The following LRIF1 variants were observed in gnomAD, a reference collection of about 807,000 sequenced individuals.
LRIF1 encodes ligand-dependent nuclear receptor-interacting factor 1.
A neutral mutation model predicts 52.7 loss-of-function variants in LRIF1; 32 were observed. The observed-to-expected ratio is 0.61, with a 90% CI of 0.46 to 0.82. The LOEUF is 0.82. LRIF1 is among the 40% of genes least tolerant of loss of function. The pLI is 0.00. For synonymous variants in LRIF1, 323 were observed against 317.4 expected, an observed-to-expected ratio of 1.02 and a Z score of -0.19; for missense variants, 887 against 892.0, an observed-to-expected ratio of 0.99 and a Z score of 0.07.
At chr1:110,890,612 C>A in the LRIF1 span, among the ~76,000 whole-genome samples, 3 of 136,526 alleles carry the variant, frequency 2.2e-5, no homozygotes, top group Non-Finnish European at 3.3e-5. Flanking sequence ...GAAAGGAAAG[C>A]GAAAAGGAAA....
chr1:110,953,794 A>T (rs1658581430), intron 1 of LRIF1, among the ~76,000 whole-genome samples: 1 of 151,916 alleles, frequency 6.6e-6, no homozygotes, highest in Non-Finnish European at 1.5e-5. Context: ...ACCCAACTCA[A>T]CTCTTCACAT....
chr1:110,886,864 TA>T, the LRIF1 span, among the ~76,000 whole-genome samples: 18,347 of 77,852 alleles, frequency 0.24, 1,435 homozygotes, highest in Admixed American at 0.26. Flanking sequence ...TATATATATA[TA>T]TATATTTTTT....
intron 1 of LRIF1, among the ~76,000 whole-genome samples, chr1:110,953,795 C>G (rs919810208): frequency 3.3e-5 from 5 of 152,196 alleles, no homozygotes; most frequent in Non-Finnish European, 7.4e-5. Flanking sequence ...CCCAACTCAA[C>G]TCTTCACATA....
At chr1:110,922,966 A>G in the LRIF1 span, among the ~76,000 whole-genome samples, 1 of 152,158 alleles carries the variant, frequency 6.6e-6, no homozygotes, top group East Asian at 1.9e-4. Flanking sequence ...TCTTGTGATT[A>G]CATTGGACCC....
At chr1:110,952,855 T>C (rs1658543035) in intron 1 of LRIF1, 40 bp from the exon 2 acceptor site, 2 of 1,045,210 alleles carry the variant, frequency 1.9e-6, no homozygotes, top group South Asian at 3.1e-5. Flanking sequence ...ACATACTACA[T>C]GGTATATACA....
chr1:110,960,103 G>GA (rs1658886910), intron 1 of LRIF1, among the ~76,000 whole-genome samples: 1 of 151,958 alleles, frequency 6.6e-6, no homozygotes, highest in Non-Finnish European at 1.5e-5. Context: ...AAACAGTCAA[G>GA]AAAGTTATGA....
chr1:110,963,088 G>A (rs576428355), intron 1 of LRIF1, among the ~76,000 whole-genome samples: 13 of 152,312 alleles, frequency 8.5e-5, no homozygotes, highest in African/African-American at 2.9e-4. Flanking sequence ...TTTACACGAG[G>A]ATTTCTCCAG....
the LRIF1 span, chr1:110,898,030 T>A: frequency 2.0e-6 from 1 of 512,082 alleles, no homozygotes; most frequent in Non-Finnish European, 3.5e-6. Context: ...CCCAGCCAAG[T>A]AGCAAATAAT....
chr1:110,918,155 T>C, the LRIF1 span, among the ~76,000 whole-genome samples: 23 of 152,080 alleles, frequency 1.5e-4, no homozygotes, highest in Non-Finnish European at 2.8e-4. Flanking sequence ...TACACACACA[T>C]ACAAAACCAA....
the LRIF1 span, among the ~76,000 whole-genome samples, chr1:110,876,716 A>T: frequency 6.6e-6 from 1 of 152,138 alleles, no homozygotes; most frequent in African/African-American, 2.4e-5. Context: ...TAGAAGACAA[A>T]TTGTAATGAT....
chr1:110,932,595 T>C, the LRIF1 span, among the ~76,000 whole-genome samples: 3 of 152,230 alleles, frequency 2.0e-5, no homozygotes, highest in Non-Finnish European at 4.4e-5. Flanking sequence ...TTTTACGATA[T>C]TGATTCTTCC....
At chr1:110,942,556 G>A (rs146089643), downstream of LRIF1, among the ~76,000 whole-genome samples, 638 of 152,174 alleles carry the variant, frequency 4.2e-3, 3 homozygotes, top group African/African-American at 0.015. Context: ...ATCTAGATGA[G>A]AGATATAATG....
the LRIF1 span, among the ~76,000 whole-genome samples, chr1:110,879,241 C>A: frequency 2.6e-5 from 4 of 152,072 alleles, no homozygotes; most frequent in African/African-American, 4.8e-5. Flanking sequence ...ACTGAGCCAT[C>A]CTGGAAATAG....
chr1:110,930,574 T>A, the LRIF1 span, among the ~76,000 whole-genome samples: 12 of 152,290 alleles, frequency 7.9e-5, no homozygotes, highest in African/African-American at 2.9e-4. Context: ...ATTATACTAT[T>A]GGATTAAGGT....
chr1:110,943,205 T>C (rs1178530786), downstream of LRIF1, among the ~76,000 whole-genome samples: 1 of 152,200 alleles, frequency 6.6e-6, no homozygotes, highest in Admixed American at 6.5e-5. Context: ...TGATAGTTAT[T>C]GGAGACCTTG....
the LRIF1 span, among the ~76,000 whole-genome samples, chr1:110,886,803 C>G: frequency 6.7e-6 from 1 of 149,448 alleles, no homozygotes; most frequent in Non-Finnish European, 1.5e-5. Context: ...CAAGATCACG[C>G]CACTGCACTC....
At chr1:110,902,531 CAGAA>C in the LRIF1 span, among the ~76,000 whole-genome samples, 1 of 93,246 alleles carries the variant, frequency 1.1e-5, no homozygotes, top group African/African-American at 3.9e-5. Flanking sequence ...GAAATACAGA[CAGAA>C]AGGAAGAAAG....
chr1:110,932,009 T>C, the LRIF1 span, among the ~76,000 whole-genome samples: 1 of 152,254 alleles, frequency 6.6e-6, no homozygotes, highest in African/African-American at 2.4e-5. Flanking sequence ...TTGTCTATTT[T>C]GGCTTTTGTT....
the LRIF1 span, among the ~76,000 whole-genome samples, chr1:110,902,560 T>G: frequency 6.9e-6 from 1 of 145,336 alleles, no homozygotes; most frequent in Non-Finnish European, 1.5e-5. Context: ...AAGAAAGAAT[T>G]CTAAAGAATA....
Sources: allele counts gnomAD v4.1 joint callset (sites outside exome capture counted in the v4.1 genomes callset), GRCh38; gene constraint gnomAD v4.1.1; transcripts MANE v1.5; gene names NCBI Gene and HGNC (gene_info 2026-07-23, HGNC 2026-07-21).